Variants in ADAM22 observed in about 807,000 individuals in gnomAD.
ADAM22 encodes disintegrin and metalloproteinase domain-containing protein 22.
A neutral mutation model predicts 144.6 loss-of-function variants in ADAM22; 65 were observed. The ratio of observed to expected loss-of-function variants is 0.45; its 90% CI spans 0.37 to 0.55. The LOEUF (loss-of-function observed/expected upper bound fraction) is 0.55. Among genes scored for constraint, ADAM22 ranks in the 20% least tolerant of loss-of-function variants. The pLI is 0.00. For synonymous variants in ADAM22, 391 were observed against 412.6 expected, an observed-to-expected ratio of 0.95 and a Z score of 0.63; for missense variants, 974 against 1,184.9, an observed-to-expected ratio of 0.82 and a Z score of 2.61.
chr7:88,004,140 A>T (rs554197997), intron 3 of ADAM22, among the ~76,000 whole-genome samples: 1 of 152,202 alleles, frequency 6.6e-6, no homozygotes, highest in Non-Finnish European at 1.5e-5. Flanking sequence ...CATTGCCTGC[A>T]CTAAGAGGCT....
intron 3 of ADAM22, among the ~76,000 whole-genome samples, chr7:88,061,002 G>A (rs960284243): frequency 6.6e-6 from 1 of 151,940 alleles, no homozygotes. Context: ...TACTCAGGAG[G>A]CTGAGGCAGG....
At chr7:88,121,662 C>G (rs1174402380) in intron 7 of ADAM22, among the ~76,000 whole-genome samples, 1 of 151,964 alleles carries the variant, frequency 6.6e-6, no homozygotes, top group Non-Finnish European at 1.5e-5. Flanking sequence ...ACAGGGCTGC[C>G]CCCCACCAAC....
intron 3 of ADAM22, among the ~76,000 whole-genome samples, chr7:88,054,965 CTAAT>C (rs1344736506): frequency 3.9e-5 from 6 of 152,000 alleles, no homozygotes; most frequent in Non-Finnish European, 8.8e-5. Flanking sequence ...AAAAAACAAA[CTAAT>C]TAAAGTCAGT....
chr7:88,161,398 A>G (rs1841602952), intron 22 of ADAM22, among the ~76,000 whole-genome samples: 1 of 152,134 alleles, frequency 6.6e-6, no homozygotes, highest in Non-Finnish European at 1.5e-5. Context: ...ACTGTTTTGG[A>G]CATAAGAATA....
Position 87,973,141 on chromosome 7 carries a change from A to G in ADAM22, c.247-5195A>G, listed in dbSNP as rs571102959. On this transcript the variant is annotated intron_variant, in intron 2 of 31. Coordinates refer to ENST00000413139, the MANE Select transcript of ADAM22 (RefSeq NM_001324418.2). Reference sequence around the variant, plus strand: ...CTGCACAGCAAAAGAAACCACCATCAGAGTGAACAAGAAACCTACAGAATG... The same window carrying G: ...CTGCACAGCAAAAGAAACCACCATCGGAGTGAACAAGAAACCTACAGAATG... 3.1e-3 allele frequency among the ~76,000 whole-genome samples: 475 copies of G among 152,352 alleles called. 3 individuals are homozygous for G. Among genetic ancestry groups the G allele is most frequent in the African/African-American group, 0.011 (450 of 41,576 alleles).
intron 17 of ADAM22, among the ~76,000 whole-genome samples, chr7:88,146,368 C>T (rs559232565): frequency 1.1e-4 from 17 of 152,324 alleles, no homozygotes; most frequent in Non-Finnish European, 1.8e-4. Flanking sequence ...ATGAAACTAT[C>T]ATAGTAAGTA....
chr7:88,131,691 A>C (rs1177961223), intron 11 of ADAM22: 1 of 499,106 alleles, frequency 2.0e-6, no homozygotes, highest in Non-Finnish European at 3.6e-6. Context: ...CTGAGTAAAA[A>C]TACTGCTAAT....
intron 2 of ADAM22, 31 bp from the exon 3 acceptor site, chr7:87,978,305 T>G: frequency 2.5e-6 from 4 of 1,576,236 alleles, no homozygotes. Flanking sequence ...GGCTGAGTAA[T>G]AAATAACCTT....
rs145199168 is a variant in ADAM22, at chr7:88,104,870, T to C, written c.391-3306T>C. Among the ~76,000 whole-genome samples the C allele has an allele frequency of 4.6e-5, 7 of 152,294 alleles. No homozygotes were observed. The East Asian group carries it at 1.4e-3, about 29-fold the overall frequency. On this transcript the variant is annotated intron_variant, in intron 4 of 31. Coordinates refer to ENST00000413139, the MANE Select transcript of ADAM22 (RefSeq NM_001324418.2). Reference sequence around the variant, plus strand: ...AACATTTAATAATGATTCAACCATATTGAGCTCTTTGCTTCATTTGCCACG... The same window carrying C: ...AACATTTAATAATGATTCAACCATACTGAGCTCTTTGCTTCATTTGCCACG...
intron 22 of ADAM22, among the ~76,000 whole-genome samples, chr7:88,160,160 A>G (rs1841180244): frequency 6.6e-6 from 1 of 152,130 alleles, no homozygotes; most frequent in African/African-American, 2.4e-5. Context: ...CACAATTGCC[A>G]TAAAAATAAT....
intron 3 of ADAM22, among the ~76,000 whole-genome samples, chr7:88,066,963 A>G (rs190029860): frequency 9.2e-5 from 14 of 152,304 alleles, no homozygotes; most frequent in Middle Eastern, 3.4e-3. Context: ...GGTGAAAACC[A>G]GATTAGATGG....
chr7:88,133,063 A>G (rs528993894), intron 12 of ADAM22, 112 bp downstream of exon 12: 4 of 939,824 alleles, frequency 4.3e-6, no homozygotes, highest in South Asian at 1.6e-5. Context: ...AGATTGCTAT[A>G]TTACAAATCA....
intron 6 of ADAM22, among the ~76,000 whole-genome samples, chr7:88,116,525 C>T (rs1308834941): frequency 6.6e-6 from 1 of 152,174 alleles, no homozygotes; most frequent in Non-Finnish European, 1.5e-5. Context: ...TAGGCTTTGG[C>T]TTCTCTGTGA....
chr7:88,119,781 G>A (rs1287058279), intron 7 of ADAM22, among the ~76,000 whole-genome samples: 3 of 152,198 alleles, frequency 2.0e-5, no homozygotes, highest in Non-Finnish European at 2.9e-5. Flanking sequence ...GAGCCACTGC[G>A]CCCGGCCTAT....
At chr7:88,075,886 G>A (rs1255734446) in intron 4 of ADAM22, among the ~76,000 whole-genome samples, 194 bp downstream of exon 4, 1 of 152,052 alleles carries the variant, frequency 6.6e-6, no homozygotes, top group African/African-American at 2.4e-5. Context: ...GAATTTTTAG[G>A]GTACTGTAGG....
Position 88,134,193 on chromosome 7 carries a change from TAC to T in ADAM22, c.1078-134_1078-133del, listed in dbSNP as rs1832483722. On this transcript the variant is annotated intron_variant, in intron 12 of 31. Transcript: ENST00000413139. ...TCCCAAATGCATATTCAGTGCTGGC[TAC>T]AGTGTGTTCAGCCTCTTCTAAAGAA... The T allele has an allele frequency of 1.2e-5, 7 of 597,350 alleles. No individual in the cohort carries two copies. The South Asian group carries it at 1.5e-4, about 13-fold the overall frequency. The allele number at this position is 597,350 out of a possible 1,614,324, so 37.0% of individuals were successfully genotyped here. A position where few individuals can be genotyped will look rare whatever the true frequency, so the allele number is the denominator to read the frequency against.
At chr7:88,127,902 C>T (rs1191764460) in intron 8 of ADAM22, among the ~76,000 whole-genome samples, 1 of 151,928 alleles carries the variant, frequency 6.6e-6, no homozygotes, top group Non-Finnish European at 1.5e-5. Flanking sequence ...GTGGCTTTTC[C>T]CTGTAACTTT....
intron 2 of ADAM22, among the ~76,000 whole-genome samples, chr7:87,968,054 C>T (rs1584691597): frequency 6.6e-6 from 1 of 152,172 alleles, no homozygotes; most frequent in East Asian, 1.9e-4. Flanking sequence ...ATACATTTTA[C>T]TTTTAAGAAA....
rs1485789013 is a variant in ADAM22 at position 88,078,033 on chromosome 7, G to T, written c.390+2341G>T. ...CACGCAGCTTAAGATCTGAGAACGGGCAGAATGCCTCCTCAAGTGGGTCTG... is the reference window on the plus strand; with the variant it reads ...CACGCAGCTTAAGATCTGAGAACGGTCAGAATGCCTCCTCAAGTGGGTCTG... On this transcript the variant is annotated intron_variant, in intron 4 of 31. Transcript: ENST00000413139. 2.0e-5 allele frequency among the ~76,000 whole-genome samples: 3 copies of T among 152,332 alleles called. No individual in the cohort carries two copies. The East Asian group carries it at 5.8e-4, about 29-fold the overall frequency.
Sources: allele counts gnomAD v4.1 joint callset (sites outside exome capture counted in the v4.1 genomes callset), GRCh38; gene constraint gnomAD v4.1.1; transcripts MANE v1.5; gene names NCBI Gene and HGNC (gene_info 2026-07-23, HGNC 2026-07-21).